Variants in CFHR1 observed in about 807,000 individuals in gnomAD.
CFHR1 encodes complement factor H-related protein 1.
A neutral mutation model predicts 30.4 loss-of-function variants in CFHR1; 22 were observed. That is an observed-to-expected ratio of 0.72 (90% CI 0.52 to 1.03). CFHR1 has a LOEUF of 1.03. Ranked by LOEUF, CFHR1 falls within the 50% of genes least tolerant of loss-of-function variation. The pLI, the probability that CFHR1 is intolerant of heterozygous loss-of-function variation, is 0.00. For missense variants in CFHR1, 248 were observed against 380.6 expected (o/e 0.65, Z 2.90); for synonymous variants, 95 against 129.1 (o/e 0.74, Z 1.79).
In CFHR1 at chr1:196,825,613, A is replaced by G. The variant is rs41305054; in HGVS notation, c.195A>G (p.Ser65=). 1 of 1,525,214 alleles carries G rather than the reference A, an allele frequency of 6.6e-7. No individual in the cohort carries two copies. The highest frequency in any genetic ancestry group is 8.9e-7 in the Non-Finnish European group (1 of 1,129,230). The allele number at this position is 1,525,214 out of a possible 1,614,324, so 94.5% of individuals were successfully genotyped here. The change falls in exon 2 of 6, where the codon TCA becomes TCG. Residue 65 remains serine, a synonymous_variant. Transcript: ENST00000320493. ...ATAATTTTGTGTCTCCTTCAAAATC[A>G]TTTTGGACTCGCATAACATGCACAG... The part of the protein sequence containing the change: ...CEYNFVSPSK[S]FWTRITCTEE...
At position 196,828,487 on chromosome 1, in the gene CFHR1, C is replaced by T. The variant is rs424901; in HGVS notation, c.607+241C>T. On this transcript the variant is annotated intron_variant, in intron 4 of 5. Coordinates refer to ENST00000320493, the MANE Select transcript of CFHR1 (RefSeq NM_002113.3). The stretch of plus-strand genomic sequence containing the variant: ...CTGAAAAACAATACTTTTTAAGCAT[C>T]ACAACACTTAGTTCCTTCTCAGGAA... 7.5e-5 allele frequency among the ~76,000 whole-genome samples: 10 copies of T among 133,356 alleles called. 1 individual carries two copies. The highest frequency in any genetic ancestry group is 2.3e-4 in the African/African-American group (7 of 30,816). 87.5% of individuals were successfully genotyped at this position (133,356 alleles called of 152,430 possible). A position where few individuals can be genotyped will look rare whatever the true frequency, so the allele number is the denominator to read the frequency against.
rs1288786738 is a variant in CFHR1, at chr1:196,823,378, A to G, written c.59-2099A>G. ...TTATTCTGGATAGCAAAGAATATGT[A>G]GGTACAAATGTATGAAAATAAACTA... On this transcript the variant is annotated intron_variant, in intron 1 of 5. Transcript: ENST00000320493. Among the ~76,000 whole-genome samples the G allele has an allele frequency of 1.5e-5, 2 of 134,876 alleles. 1 individual carries two copies. Among genetic ancestry groups the G allele is most frequent in the Non-Finnish European group, 3.1e-5 (2 of 64,254 alleles). 88.5% of individuals were successfully genotyped at this position (134,876 alleles called of 152,430 possible). A position where few individuals can be genotyped will look rare whatever the true frequency, so the allele number is the denominator to read the frequency against.
intron 1 of CFHR1, among the ~76,000 whole-genome samples, chr1:196,823,880 A>G (rs997147784): frequency 1.5e-5 from 2 of 134,486 alleles, no homozygotes; most frequent in Non-Finnish European, 3.1e-5. Flanking sequence ...GAGCTTATGC[A>G]TGTGGTAGGG....
intron 2 of CFHR1, 48 bp from the exon 3 acceptor site, chr1:196,826,781 T>G (rs766415053): frequency 7.0e-7 from 1 of 1,434,742 alleles, no homozygotes. Flanking sequence ...AGTTGTACTT[T>G]TTCTTTGCTA....
chr1:196,824,340 C>A lies in CFHR1; in HGVS notation c.59-1137C>A, dbSNP rs1228893283. On this transcript the variant is annotated intron_variant, in intron 1 of 5. Coordinates refer to ENST00000320493, the MANE Select transcript of CFHR1 (RefSeq NM_002113.3). The stretch of plus-strand genomic sequence containing the variant: ...TGGCATGATCTCCGCTCACTGCAAC[C>A]TCCCCCTCCTGGGTTCAAGTGATTC... Among the ~76,000 whole-genome samples, 9 of 133,944 alleles carry A rather than the reference C, an allele frequency of 6.7e-5. 1 individual carries two copies. Among genetic ancestry groups the A allele is most frequent in the African/African-American group, 9.7e-5 (3 of 30,968 alleles). The allele number at this position is 133,944 out of a possible 152,430, so 87.9% of individuals were successfully genotyped here. A position where few individuals can be genotyped will look rare whatever the true frequency, so the allele number is the denominator to read the frequency against.
At position 196,827,802 on chromosome 1, in the gene CFHR1, A is replaced by T. The variant is rs1482396997; in HGVS notation, c.431-268A>T. 3.0e-5 allele frequency among the ~76,000 whole-genome samples: 4 copies of T among 132,624 alleles called. No individual in the cohort carries two copies. In the East Asian group the frequency reaches 7.9e-4, roughly 26 times the overall value. The allele number at this position is 132,624 out of a possible 152,430, so 87.0% of individuals were successfully genotyped here. On this transcript the variant is annotated intron_variant, in intron 3 of 5. Coordinates refer to ENST00000320493, the MANE Select transcript of CFHR1 (RefSeq NM_002113.3). ...GATATCCAGGAAAACTTTCGTTTACACTGGCTTCCAGAAGGGAAAAATAAA... is the reference window on the plus strand; with the variant it reads ...GATATCCAGGAAAACTTTCGTTTACTCTGGCTTCCAGAAGGGAAAAATAAA...
At chr1:196,823,585 T>C (rs1310648659) in intron 1 of CFHR1, among the ~76,000 whole-genome samples, 1 of 135,696 alleles carries the variant, frequency 7.4e-6, no homozygotes, top group Non-Finnish European at 1.6e-5. Context: ...ACATTAAACA[T>C]TACTTCTAGA....
chr1:196,827,691 A>G lies in CFHR1; in HGVS notation c.431-379A>G, dbSNP rs1655387980. 1.5e-5 allele frequency among the ~76,000 whole-genome samples: 2 copies of G among 133,678 alleles called. 1 individual carries two copies. The highest frequency in any genetic ancestry group is 1.4e-4 in the Admixed American group (2 of 13,872). The allele number at this position is 133,678 out of a possible 152,430, so 87.7% of individuals were successfully genotyped here. A position where few individuals can be genotyped will look rare whatever the true frequency, so the allele number is the denominator to read the frequency against. ...GCAAACAAAAATCTGGTATCACATA[A>G]TCTATTTATGCTGACTTTTTGCATT... is the stretch of plus-strand genomic sequence containing the variant. On this transcript the variant is annotated intron_variant, in intron 3 of 5. Coordinates refer to ENST00000320493, the MANE Select transcript of CFHR1 (RefSeq NM_002113.3).
chr1:196,826,852 G>GA lies in CFHR1; in HGVS notation c.281dup (p.Asn94LysfsTer5). ...AGGACTGTGTTTCTTTCCTTTTGTG[G>GA]AAAATGGTCATTCTGAATCTTCAGG... On this transcript the variant is annotated frameshift_variant, in exon 3 of 6. Transcript: ENST00000320493. LOFTEE classifies it high-confidence loss of function. 2 of 1,524,382 alleles carry GA rather than the reference G, an allele frequency of 1.3e-6. 1 individual carries two copies. The highest frequency in any genetic ancestry group is 1.8e-6 in the Non-Finnish European group (2 of 1,129,226). 94.4% of individuals were successfully genotyped at this position (1,524,382 alleles called of 1,614,324 possible). A position where few individuals can be genotyped will look rare whatever the true frequency, so the allele number is the denominator to read the frequency against.
rs1306454424 is a variant in CFHR1 at position 196,830,000 on chromosome 1, T to C, written c.608-500T>C. Among the ~76,000 whole-genome samples the C allele has an allele frequency of 2.2e-5, 3 of 135,300 alleles. 1 individual carries two copies. Among genetic ancestry groups the C allele is most frequent in the African/African-American group, 9.5e-5 (3 of 31,704 alleles). The allele number at this position is 135,300 out of a possible 152,430, so 88.8% of individuals were successfully genotyped here. On this transcript the variant is annotated intron_variant, in intron 4 of 5. Transcript: ENST00000320493. ...TATTTTCAGAGTGGGTAATTTATAT[T>C]GCTGTATGTTCAAGTTCATGGATTT...
At chr1:196,831,190 A>C (rs868407085) in intron 5 of CFHR1, among the ~76,000 whole-genome samples, 1 of 136,560 alleles carries the variant, frequency 7.3e-6, no homozygotes, top group South Asian at 2.5e-4. Context: ...ATTTTAAAGA[A>C]TTTAGTTGAT....
In CFHR1 at chr1:196,825,561, G is replaced by A. The variant is rs1655290521; in HGVS notation, c.143G>A (p.Gly48Glu). 2 of 1,522,462 alleles carry A rather than the reference G, an allele frequency of 1.3e-6. No homozygotes were observed. The highest frequency in any genetic ancestry group is 1.8e-6 in the Non-Finnish European group (2 of 1,127,124). The allele number at this position is 1,522,462 out of a possible 1,614,324, so 94.3% of individuals were successfully genotyped here. A position where few individuals can be genotyped will look rare whatever the true frequency, so the allele number is the denominator to read the frequency against. ...AAGCCATTTTCCCAGGTTCCTACAGGGGAAGTTTTCTATTACTCCTGTGAA... is the reference window on the plus strand; with the variant it reads ...AAGCCATTTTCCCAGGTTCCTACAGAGGAAGTTTTCTATTACTCCTGTGAA... ...KYKPFSQVPT[G>E]EVFYYSCEYN... is the part of the protein sequence containing the mutation. Residue 48 changes from glycine to glutamate, a missense_variant, in exon 2 of 6, where the codon GGG becomes GAG. Gly to Glu is a moderately conservative substitution (Grantham distance 98). Around this residue, in one of 3 missense-constraint regions of CFHR1, gnomAD observed 121 missense variants for 162.6 expected, o/e 0.74. Coordinates refer to ENST00000320493, the MANE Select transcript of CFHR1 (RefSeq NM_002113.3).
At chr1:196,824,748 G>GTATATATA (rs71131725) in intron 1 of CFHR1, among the ~76,000 whole-genome samples, 2,966 of 54,738 alleles carry the variant, frequency 0.054, 214 homozygotes, top group East Asian at 0.083. Context: ...GGGGCTGACT[G>GTATATATA]TATATATATA....
chr1:196,831,712 A>G (rs1655566021), intron 5 of CFHR1, 85 bp from the exon 6 acceptor site: 3 of 1,369,378 alleles, frequency 2.2e-6, no homozygotes, highest in Non-Finnish European at 3.0e-6. Flanking sequence ...CTGAACCATC[A>G]TATAACATTC....
At chr1:196,830,438 AT>A in intron 4 of CFHR1, 61 bp from the exon 5 acceptor site, 1 of 1,479,092 alleles carries the variant, frequency 6.8e-7, no homozygotes, top group Non-Finnish European at 9.2e-7. Flanking sequence ...TATTTGCCTT[AT>A]TTGAACTTGT....
chr1:196,831,891 A>T lies in CFHR1; in HGVS notation c.885A>T (p.Ser295=). 3 of 1,525,672 alleles carry T rather than the reference A, an allele frequency of 2.0e-6. No individual in the cohort carries two copies. Among genetic ancestry groups the T allele is most frequent in the Non-Finnish European group, 2.7e-6 (3 of 1,129,506 alleles). The allele number at this position is 1,525,672 out of a possible 1,614,324, so 94.5% of individuals were successfully genotyped here. A position where few individuals can be genotyped will look rare whatever the true frequency, so the allele number is the denominator to read the frequency against. The part of the protein sequence containing the change: ...KQKLYLRTGE[S]AEFVCKRGYR... ...AGCTTTATTTGAGAACAGGTGAATCAGCTGAATTTGTGTGTAAACGGGGAT... is the reference window on the plus strand; with the variant it reads ...AGCTTTATTTGAGAACAGGTGAATCTGCTGAATTTGTGTGTAAACGGGGAT... Residue 295 remains serine, a synonymous_variant, in exon 6 of 6, where the codon TCA becomes TCT. Transcript: ENST00000320493.
At chr1:196,823,036 T>A (rs1281167446) in intron 1 of CFHR1, among the ~76,000 whole-genome samples, 2 of 132,968 alleles carry the variant, frequency 1.5e-5, no homozygotes, top group Non-Finnish European at 3.1e-5. Context: ...ATATAAGTGA[T>A]CAGTCATTGA....
intron 1 of CFHR1, among the ~76,000 whole-genome samples, chr1:196,822,546 GA>G (rs1235793030): frequency 1.5e-5 from 2 of 132,688 alleles, no homozygotes; most frequent in East Asian, 4.0e-4. Context: ...GTTAAAAACA[GA>G]CACAAACACA....
intron 4 of CFHR1, 150 bp downstream of exon 4, chr1:196,828,396 A>G: frequency 1.2e-5 from 9 of 743,506 alleles, no homozygotes; most frequent in Non-Finnish European, 1.9e-5. Flanking sequence ...CTTCCTGTGA[A>G]CAGAACACAA....
Sources: allele counts gnomAD v4.1 joint callset (sites outside exome capture counted in the v4.1 genomes callset), GRCh38; gene constraint gnomAD v4.1.1; regional missense constraint gnomAD v4.1.1; transcripts MANE v1.5; gene names NCBI Gene and HGNC (gene_info 2026-07-23, HGNC 2026-07-21).